MIPOL1: variants seen among roughly 807,000 people sequenced by gnomAD.
The protein encoded by MIPOL1 is mirror-image polydactyly 1.
In MIPOL1, 57 loss-of-function variants were observed where a neutral mutation model predicts 60.9. The observed-to-expected ratio is 0.94, with a 90% CI of 0.76 to 1.17. The LOEUF is 1.17. MIPOL1 is among the 50% of genes most tolerant of loss of function. The probability of loss-of-function intolerance (pLI) is 0.00; values close to 1 mark genes in which losing one functional copy is unlikely to be tolerated. For synonymous variants in MIPOL1, 179 were observed against 168.8 expected, an observed-to-expected ratio of 1.06 and a Z score of -0.47; for missense variants, 551 against 511.6, an observed-to-expected ratio of 1.08 and a Z score of -0.74.
At chr14:37,251,256 G>A (rs1334439926) in intron 3 of MIPOL1, among the ~76,000 whole-genome samples, 1 of 151,688 alleles carries the variant, frequency 6.6e-6, no homozygotes, top group African/African-American at 2.4e-5. Flanking sequence ...GTAGGGGTTG[G>A]GGGGTCTCAC....
At chr14:37,372,782 T>C (rs2092676457) in intron 10 of MIPOL1, among the ~76,000 whole-genome samples, 1 of 150,764 alleles carries the variant, frequency 6.6e-6, no homozygotes, top group Admixed American at 6.6e-5. Flanking sequence ...TTGCTAGGCA[T>C]AGCACTGTTT....
chr14:37,433,981 C>T (rs745503428), intron 11 of MIPOL1, among the ~76,000 whole-genome samples: 4 of 152,092 alleles, frequency 2.6e-5, no homozygotes, highest in Admixed American at 6.6e-5. Flanking sequence ...TGAATAGTGC[C>T]GCAATAAACA....
chr14:37,260,257 A>T (rs997178441), intron 3 of MIPOL1, among the ~76,000 whole-genome samples: 5 of 151,762 alleles, frequency 3.3e-5, no homozygotes, highest in South Asian at 2.1e-4. Context: ...AAAAAAAAAA[A>T]AGGAAACCTA....
chr14:37,370,691 G>A (rs775886508), intron 10 of MIPOL1, among the ~76,000 whole-genome samples: 5 of 152,088 alleles, frequency 3.3e-5, no homozygotes, highest in Non-Finnish European at 7.4e-5. Context: ...GATATTCTTA[G>A]TGGTAGGCTT....
chr14:37,375,939 T>A (rs1019880356), intron 10 of MIPOL1, among the ~76,000 whole-genome samples: 1 of 152,164 alleles, frequency 6.6e-6, no homozygotes, highest in African/African-American at 2.4e-5. Context: ...CCTTACTTAG[T>A]CTTAATTGGT....
intron 3 of MIPOL1, 62 bp from the exon 4 acceptor site, chr14:37,266,876 A>G (rs1324722455): frequency 9.1e-7 from 1 of 1,099,710 alleles, no homozygotes; most frequent in African/African-American, 1.6e-5. Flanking sequence ...ATTTGACTGA[A>G]TGATTTAATA....
At chr14:37,234,942 A>ATTTT (rs5807941) in intron 1 of MIPOL1, among the ~76,000 whole-genome samples, 6 of 116,828 alleles carry the variant, frequency 5.1e-5, no homozygotes, top group African/African-American at 1.6e-4. Context: ...CGTACGGCTA[A>ATTTT]TTTTTTTTTT....
chr14:37,535,703 AGG>A, intron 12 of MIPOL1, among the ~76,000 whole-genome samples: 1 of 152,200 alleles, frequency 6.6e-6, no homozygotes, highest in African/African-American at 2.4e-5. Context: ...AACACCTAAA[AGG>A]CTGTGTAGAA....
chr14:37,356,577 C>T lies in MIPOL1; in HGVS notation c.829-12940C>T, dbSNP rs566017730. Among the ~76,000 whole-genome samples, 6 of 152,294 alleles carry T rather than the reference C, an allele frequency of 3.9e-5. No individual in the cohort carries two copies. In the East Asian group the frequency reaches 1.2e-3, roughly 30 times the overall value. On this transcript the variant is annotated intron_variant, in intron 9 of 12. Coordinates refer to ENST00000684589, the MANE Select transcript of MIPOL1 (RefSeq NM_001388067.1). ...CAGCGAGACTCTGTGGGTGTAGGACCCTCCGAGCCAGGTGCGGGATATAAT... is the reference window on the plus strand; with the variant it reads ...CAGCGAGACTCTGTGGGTGTAGGACTCTCCGAGCCAGGTGCGGGATATAAT...
intron 1 of MIPOL1, among the ~76,000 whole-genome samples, chr14:37,238,766 A>G (rs576242630): frequency 5.4e-4 from 81 of 150,198 alleles, no homozygotes; most frequent in Non-Finnish European, 7.2e-4. Context: ...TCTGGGCAAC[A>G]CGGTGAAACC....
At chr14:37,249,918 A>G (rs1392490386) in intron 3 of MIPOL1, among the ~76,000 whole-genome samples, 3 of 152,154 alleles carry the variant, frequency 2.0e-5, no homozygotes, top group East Asian at 1.9e-4. Context: ...TAGAGACCAA[A>G]CGATCTTTAA....
chr14:37,501,810 A>C (rs1025685878), intron 12 of MIPOL1: 2 of 152,266 alleles, frequency 1.3e-5, no homozygotes, highest in African/African-American at 4.8e-5. Context: ...TCACCTGGGA[A>C]GCACAAGGTG....
chr14:37,426,584 T>TATATATATATATATATATAC (rs1315985215), intron 11 of MIPOL1, among the ~76,000 whole-genome samples: 1 of 137,234 alleles, frequency 7.3e-6, no homozygotes, highest in Non-Finnish European at 1.5e-5. Context: ...TATATATATA[T>TATATATATATATATATATAC]ATATATATAT....
chr14:37,266,850 G>T lies in MIPOL1; in HGVS notation c.20-88G>T, dbSNP rs578091153. ...AACTATATGTTTAAAGCTAAAGAGT[G>T]TTTCCAAAAATATTTATTTGACTGA... On this transcript the variant is annotated intron_variant, in intron 3 of 12. Coordinates refer to ENST00000684589, the MANE Select transcript of MIPOL1 (RefSeq NM_001388067.1). 6 of 887,556 alleles carry T rather than the reference G, an allele frequency of 6.8e-6. No individual in the cohort carries two copies. The African/African-American group carries it at 1.0e-4, about 15-fold the overall frequency. The allele number at this position is 887,556 out of a possible 1,614,324, so 55.0% of individuals were successfully genotyped here.
intron 11 of MIPOL1, among the ~76,000 whole-genome samples, chr14:37,449,084 C>A (rs571299863): frequency 6.6e-6 from 1 of 152,204 alleles, no homozygotes. Context: ...AGATCACATT[C>A]TTCCGTCACT....
At position 37,308,067 on chromosome 14, in the gene MIPOL1, T is replaced by C. The variant is rs1567392516; in HGVS notation, c.635T>C (p.Ile212Thr). Residue 212 changes from isoleucine (I) to threonine (T), a missense_variant, in exon 8 of 13, where the codon ATT becomes ACT. By Grantham distance (89) the Ile-to-Thr change is moderately conservative. Coordinates refer to ENST00000684589, the MANE Select transcript of MIPOL1 (RefSeq NM_001388067.1). ...TCCCTTTTTTCTAGGCTAGAAAATA[T>C]TAACCCTGAAGAAAATGACATGGTA... ...MEMSLKVLEN[I>T]NPEENDMTLQ... is the part of the protein sequence containing the mutation. 3.1e-6 allele frequency: 5 copies of C among 1,611,424 alleles called. No homozygotes were observed. In the South Asian group the frequency reaches 3.3e-5, roughly 11 times the overall value.
chr14:37,347,531 A>C (rs1021314851), intron 9 of MIPOL1, among the ~76,000 whole-genome samples: 1 of 152,190 alleles, frequency 6.6e-6, no homozygotes, highest in South Asian at 2.1e-4. Flanking sequence ...TCAAAATGGG[A>C]GCAAGATAAT....
intron 6 of MIPOL1, among the ~76,000 whole-genome samples, chr14:37,275,128 TA>T (rs1018404444): frequency 3.6e-4 from 54 of 151,020 alleles, no homozygotes; most frequent in Admixed American, 5.3e-4. Flanking sequence ...TTAAAATCTC[TA>T]AAAAAAAGTT....
chr14:37,210,511 G>A (rs1237556178), intron 1 of MIPOL1, among the ~76,000 whole-genome samples: 1 of 152,146 alleles, frequency 6.6e-6, no homozygotes, highest in Non-Finnish European at 1.5e-5. Flanking sequence ...CAGTAGAGAG[G>A]TTTATCAATG....
Sources: allele counts gnomAD v4.1 joint callset (sites outside exome capture counted in the v4.1 genomes callset), GRCh38; gene constraint gnomAD v4.1.1; transcripts MANE v1.5; gene names NCBI Gene and HGNC (gene_info 2026-07-23, HGNC 2026-07-21).